Variants in ATG2A observed in about 807,000 individuals in gnomAD.
ATG2A encodes the protein autophagy-related protein 2 homolog A.
Under a neutral mutation model 214.2 loss-of-function variants are expected in ATG2A, and 103 were observed. The ratio of observed to expected loss-of-function variants is 0.48; its 90% CI spans 0.41 to 0.57. The LOEUF is 0.57. Ranked by LOEUF, ATG2A falls within the 20% of genes least tolerant of loss-of-function variation. The pLI is 0.00. For synonymous variants in ATG2A, 1,160 were observed against 1,142.1 expected, an observed-to-expected ratio of 1.02 and a Z score of -0.32; for missense variants, 2,312 against 2,613.2, an observed-to-expected ratio of 0.88 and a Z score of 2.51.
In ATG2A at chr11:64,898,147, G is replaced by A; in HGVS notation, c.4797C>T (p.Asp1599=). 1 of 1,614,118 alleles carries A rather than the reference G, an allele frequency of 6.2e-7. No homozygotes were observed. The highest frequency in any genetic ancestry group is 1.3e-5 in the African/African-American group (1 of 75,026). The change falls in exon 34 of 41, where the codon GAC becomes GAT. Residue 1599 remains aspartate (D), a synonymous_variant. Transcript: ENST00000377264. This position sits in a 1 kb window ranked among gnomAD's most constrained non-coding sequence, Gnocchi z 4.5. ...VDQDALFFLK[D]FFTSLVAGIN... ...TGCCGGCCACCAGACTAGTGAAGAA[G>A]TCCTTGAGGAAGAAGAGGGCATCCT...
intron 37 of ATG2A, 142 bp downstream of exon 37, chr11:64,897,270 C>G: frequency 1.0e-6 from 1 of 987,586 alleles, no homozygotes. Flanking sequence ...CCATCATGCC[C>G]AGCCAACTGC....
intron 16 of ATG2A, 109 bp from the exon 17 acceptor site, chr11:64,907,999 T>C (rs997363342): frequency 4.6e-6 from 6 of 1,306,726 alleles, no homozygotes; most frequent in Non-Finnish European, 5.3e-6. Context: ...CATTCATTCA[T>C]AGGAGCCCTT....
rs768751201 is a variant in ATG2A at position 64,895,407 on chromosome 11, C to T, written c.5463G>A (p.Pro1821=). Residue 1821 remains proline (P), a synonymous_variant, in exon 40 of 41, where the codon CCG becomes CCA. Transcript: ENST00000377264. The surrounding 1 kb of genome is among the most constrained non-coding windows in gnomAD (Gnocchi z 5.0). ...GCAGGGAGCGGGAGACGGGGGCTGC[C>T]GGGGACAGGATGTCATACACGGTCT... The part of the protein sequence containing the change: ...TAETVYDILS[P]AAPVSRSLQD... 37 of 1,606,110 alleles carry T rather than the reference C, an allele frequency of 2.3e-5. No homozygotes were observed. The highest frequency in any genetic ancestry group is 1.2e-4 in the South Asian group (11 of 90,434).
At chr11:64,902,875 G>T (rs1004426805) in intron 26 of ATG2A, among the ~76,000 whole-genome samples, 195 bp from the exon 27 acceptor site, 2 of 152,170 alleles carry the variant, frequency 1.3e-5, no homozygotes, top group Admixed American at 1.3e-4. Flanking sequence ...AGGGTGAAAG[G>T]GGCTTGGCCC....
rs1944568319 is a variant in ATG2A, at chr11:64,906,780, C to T, written c.2868G>A (p.Gly956=). ...EGGKRLEAVH[G]ELVLDMEHGT... is the part of the protein sequence containing the mutation. Reference sequence around the variant, plus strand: ...CGTGCTCCATGTCCAGCACCAGCTCCCCGTGCACAGCCTCCAGCCGCTTCC... The same window carrying T: ...CGTGCTCCATGTCCAGCACCAGCTCTCCGTGCACAGCCTCCAGCCGCTTCC... Residue 956 remains glycine, a synonymous_variant, in exon 20 of 41, where the codon GGG becomes GGA. Coordinates refer to ENST00000377264, the MANE Select transcript of ATG2A (RefSeq NM_015104.3). The T allele has an allele frequency of 1.9e-6, 3 of 1,613,402 alleles. No individual in the cohort carries two copies. Among genetic ancestry groups the T allele is most frequent in the African/African-American group, 1.3e-5 (1 of 75,042 alleles).
rs758781606 is a variant in ATG2A, at chr11:64,913,898, G to A, written c.513C>T (p.Phe171=). ...GCTCCACCCTCACGACAGTGTCCAG[G>A]AAGGTCACTTTGATCCTCCGAAGCA... The part of the protein sequence containing the change: ...ETVLRRIKVT[F]LDTVVRVEHS... Residue 171 remains phenylalanine, a synonymous_variant, in exon 4 of 41, where the codon TTC becomes TTT. Transcript: ENST00000377264. This position sits in a 1 kb window ranked among gnomAD's most constrained non-coding sequence, Gnocchi z 4.3. The A allele has an allele frequency of 1.9e-6, 3 of 1,614,064 alleles. No individual in the cohort carries two copies. Among genetic ancestry groups the A allele is most frequent in the South Asian group, 1.1e-5 (1 of 91,088 alleles).
chr11:64,908,760 TCGAGGA>T (rs1236302853), intron 16 of ATG2A, among the ~76,000 whole-genome samples: 1 of 152,080 alleles, frequency 6.6e-6, no homozygotes, highest in African/African-American at 2.4e-5. Context: ...ATCTTTCCAA[TCGAGGA>T]CCCATGCTCC....
Position 64,911,817 on chromosome 11 carries a change from G to C in ATG2A, c.1228+25C>G, listed in dbSNP as rs557525846. On this transcript the variant is annotated intron_variant, in intron 9 of 40. Coordinates refer to ENST00000377264, the MANE Select transcript of ATG2A (RefSeq NM_015104.3). ...TCTTCCAGTCCTTCCTGTCCCTGGA[G>C]TACCCCCAGGGTGCTCCAACTCACC... The C allele has an allele frequency of 1.4e-5, 22 of 1,611,694 alleles. No homozygotes were observed. The Admixed American group carries it at 2.0e-4, about 15-fold the overall frequency.
chr11:64,910,192 G>A lies in ATG2A; in HGVS notation c.1711C>T (p.Arg571Ter), dbSNP rs1006407090. Reference protein sequence around the residue: ...TQILRRVPKSRPRRSVACHCH... With the variant: ...TQILRRVPKS ...TGGCAGGCAACTGAGCGCCGGGGTCGGCTCTGAGGGCGAGGGCGTTCAGGT... is the reference window on the plus strand; with the variant it reads ...TGGCAGGCAACTGAGCGCCGGGGTCAGCTCTGAGGGCGAGGGCGTTCAGGT... The change falls in exon 13 of 41, where the codon CGA (arginine) becomes TGA (stop). Residue 571 changes from arginine (R) to a stop codon, truncating the protein, a stop_gained. Coordinates refer to ENST00000377264, the MANE Select transcript of ATG2A (RefSeq NM_015104.3). LOFTEE classifies it high-confidence loss of function. 4 of 1,595,376 alleles carry A rather than the reference G, an allele frequency of 2.5e-6. No individual in the cohort carries two copies. The highest frequency in any genetic ancestry group is 1.1e-5 in the South Asian group (1 of 88,476).
rs1012992188 is a variant in ATG2A, at chr11:64,914,133, C to T, written c.435G>A (p.Glu145=). Residue 145 remains glutamate, a synonymous_variant, in exon 3 of 41, where the codon GAG becomes GAA. Coordinates refer to ENST00000377264, the MANE Select transcript of ATG2A (RefSeq NM_015104.3). ...CLRDGLPEPS[E]PPQPLEGLEM... ...CCAGCCCCTCCAGGGGCTGTGGTGG[C>T]TCAGAGGGCTCCGGTAGCCCATCCC... 12 of 1,552,954 alleles carry T rather than the reference C, an allele frequency of 7.7e-6. No individual in the cohort carries two copies. The highest frequency in any genetic ancestry group is 1.4e-5 in the African/African-American group (1 of 73,192).
At position 64,895,900 on chromosome 11, in the gene ATG2A, G is replaced by A. The variant is rs996332521; in HGVS notation, c.5428-458C>T. ...CCCACCTGACTGAACACTCCCGGGG[G>A]CTCCCTGGTGCCCATGCATCCCTCC... is the stretch of plus-strand genomic sequence containing the variant. On this transcript the variant is annotated intron_variant, in intron 39 of 40. Transcript: ENST00000377264. This position sits in a 1 kb window ranked among gnomAD's most constrained non-coding sequence, Gnocchi z 5.0. Among the ~76,000 whole-genome samples the A allele has an allele frequency of 6.6e-6, 1 of 152,098 alleles. No individual in the cohort carries two copies. Among genetic ancestry groups the A allele is most frequent in the African/African-American group, 2.4e-5 (1 of 41,406 alleles).
Position 64,902,376 on chromosome 11 carries a change from C to T in ATG2A, c.3788G>A (p.Ser1263Asn). ...TEIAGQKLSE[S>N]PASLPSCPPV... Reference sequence around the variant, plus strand: ...GGGGCACGAGGGCAGAGAGGCAGGACTCTCCGAGAGCTGGGCCAGGCAGGG... The same window carrying T: ...GGGGCACGAGGGCAGAGAGGCAGGATTCTCCGAGAGCTGGGCCAGGCAGGG... The change falls in exon 28 of 41, where the codon AGT (serine) becomes AAT (asparagine). Residue 1263 changes from serine to asparagine, a missense_variant. Coordinates refer to ENST00000377264, the MANE Select transcript of ATG2A (RefSeq NM_015104.3). The T allele has an allele frequency of 6.3e-7, 1 of 1,579,614 alleles. No homozygotes were observed. The highest frequency in any genetic ancestry group is 8.6e-7 in the Non-Finnish European group (1 of 1,163,562).
intron 9 of ATG2A, among the ~76,000 whole-genome samples, chr11:64,911,578 T>C (rs994638616): frequency 6.6e-6 from 1 of 152,214 alleles, no homozygotes; most frequent in Non-Finnish European, 1.5e-5. Context: ...TGGCAAAGGC[T>C]GATCTCACCC....
In ATG2A at chr11:64,909,348, C is replaced by T; in HGVS notation, c.2127G>A (p.Gly709=). The T allele has an allele frequency of 6.2e-7, 1 of 1,613,374 alleles. No homozygotes were observed. Among genetic ancestry groups the T allele is most frequent in the Non-Finnish European group, 8.5e-7 (1 of 1,179,988 alleles). The change falls in exon 15 of 41, where the codon GGG becomes GGA. Residue 709 remains glycine (G), a synonymous_variant. Transcript: ENST00000377264. ...CACGCAGGCAAGGGACAGGTGGCTT[C>T]CCTCCATCTTCATAGATACCTGGAG... ...SDLHGIYEDG[G]KPPVPCLRVS...
rs780303931 is a variant in ATG2A at position 64,906,623 on chromosome 11, C to G, written c.2983+42G>C. On this transcript the variant is annotated intron_variant, in intron 20 of 40. Transcript: ENST00000377264. ...ATCCGTCCTGAAAGCCCTCCACCCCCAACCCTGGACCCCAGTGGTGACCTG... is the reference window on the plus strand; with the variant it reads ...ATCCGTCCTGAAAGCCCTCCACCCCGAACCCTGGACCCCAGTGGTGACCTG... 7 of 1,610,556 alleles carry G rather than the reference C, an allele frequency of 4.3e-6. No individual in the cohort carries two copies. The African/African-American group carries it at 9.3e-5, about 22-fold the overall frequency.
chr11:64,902,555 T>TG lies in ATG2A; in HGVS notation c.3737dup (p.Pro1247ThrfsTer36). Reference sequence around the variant, plus strand: ...TCTCCGTGGGGCTGGGGGGCCGGGGTGGGGGGTGCAGATCGCCTGTGCTCA... The same window carrying TG: ...TCTCCGTGGGGCTGGGGGGCCGGGGTGGGGGGGTGCAGATCGCCTGTGCTCA... On this transcript the variant is annotated frameshift_variant, in exon 27 of 41. Coordinates refer to ENST00000377264, the MANE Select transcript of ATG2A (RefSeq NM_015104.3). LOFTEE classifies it high-confidence loss of function. 1.6e-6 allele frequency: 1 copy of TG among 614,366 alleles called. No homozygotes were observed. The highest frequency in any genetic ancestry group is 2.8e-6 in the Non-Finnish European group (1 of 352,356). The allele number at this position is 614,366 out of a possible 1,614,324, so 38.1% of individuals were successfully genotyped here.
In ATG2A at chr11:64,898,569, T is replaced by C. The variant is rs753145099; in HGVS notation, c.4671+67A>G. 10 of 1,549,214 alleles carry C rather than the reference T, an allele frequency of 6.5e-6. No homozygotes were observed. In the African/African-American group the frequency reaches 9.5e-5, roughly 15 times the overall value. Reference sequence around the variant, plus strand: ...GCGTGTATGTGTGTGAATCCATGCATGCGTGAAGATGTATCCCCAACGGTC... The same window carrying C: ...GCGTGTATGTGTGTGAATCCATGCACGCGTGAAGATGTATCCCCAACGGTC... On this transcript the variant is annotated intron_variant, in intron 32 of 40. Transcript: ENST00000377264. The surrounding 1 kb of genome is among the most constrained non-coding windows in gnomAD (Gnocchi z 4.5).
chr11:64,911,394 G>T, intron 9 of ATG2A, 119 bp from the exon 10 acceptor site: 1 of 1,026,640 alleles, frequency 9.7e-7, no homozygotes, highest in African/African-American at 1.6e-5. Flanking sequence ...ATGTGGCTCT[G>T]GCAGAAGGCT....
rs747187541 is a variant in ATG2A at position 64,895,177 on chromosome 11, G to A, written c.5613C>T (p.Asp1871=). ...TCTGCTCATGGCCCCGCGATGCCAC[G>A]TCACAGATGGTCTGAGCTGTATCCA... ...GILDTAQTIC[D]VASRGHEQKG... Residue 1871 remains aspartate (D), a synonymous_variant, in exon 41 of 41, where the codon GAC becomes GAT. Coordinates refer to ENST00000377264, the MANE Select transcript of ATG2A (RefSeq NM_015104.3). The surrounding 1 kb of genome is among the most constrained non-coding windows in gnomAD (Gnocchi z 5.0). The A allele has an allele frequency of 2.0e-5, 33 of 1,612,918 alleles. No individual in the cohort carries two copies. Among genetic ancestry groups the A allele is most frequent in the Middle Eastern group, 1.6e-4 (1 of 6,084 alleles).
Sources: allele counts gnomAD v4.1 joint callset (sites outside exome capture counted in the v4.1 genomes callset), GRCh38; gene constraint gnomAD v4.1.1; non-coding constraint Gnocchi (gnomAD v3.1); transcripts MANE v1.5; gene names NCBI Gene and HGNC (gene_info 2026-07-23, HGNC 2026-07-21).